ZSWIM5: variants seen among roughly 807,000 people sequenced by gnomAD.
The protein encoded by ZSWIM5 is zinc finger SWIM-type containing 5, also known as zinc finger SWIM domain-containing protein 5.
In ZSWIM5, 55 loss-of-function variants were observed where a neutral mutation model predicts 119.6. That is an observed-to-expected ratio of 0.46 (90% CI 0.37 to 0.58). ZSWIM5 has a LOEUF of 0.58. Among genes scored for constraint, ZSWIM5 ranks in the 20% least tolerant of loss-of-function variants. The pLI is 0.00. For synonymous variants in ZSWIM5, 537 were observed against 606.9 expected, an observed-to-expected ratio of 0.88 and a Z score of 1.69; for missense variants, 1,193 against 1,512.8, an observed-to-expected ratio of 0.79 and a Z score of 3.51.
chr1:45,061,289 A>T (rs910986675), intron 2 of ZSWIM5, among the ~76,000 whole-genome samples: 6 of 152,214 alleles, frequency 3.9e-5, no homozygotes, highest in Non-Finnish European at 5.9e-5. Context: ...GAGTGCTGTA[A>T]CAATTTGTTT....
intron 1 of ZSWIM5, among the ~76,000 whole-genome samples, chr1:45,186,847 C>T (rs1248718486): frequency 1.3e-5 from 2 of 152,122 alleles, no homozygotes; most frequent in South Asian, 2.1e-4. Context: ...TGCCCTAGTC[C>T]TCCCAAAGTG....
chr1:45,206,107 C>T lies in ZSWIM5; in HGVS notation c.244G>A (p.Val82Met). ...TVAEKWAYER[V>M]EERFERIPEP... ...GGGATCCGCTCGAAGCGCTCCTCCA[C>T]CCGTTCGTATGCCCACTTTTCCGCC... The change falls in exon 1 of 14, where the codon GTG becomes ATG. Residue 82 changes from valine to methionine, a missense_variant. Physicochemically the swap from Val to Met is conservative, Grantham distance 21 (BLOSUM62 1). Around this residue, in one of 2 missense-constraint regions of ZSWIM5, gnomAD observed 232 missense variants for 222.9 expected, o/e 1.04. Coordinates refer to ENST00000359600, the MANE Select transcript of ZSWIM5 (RefSeq NM_020883.2). The T allele has an allele frequency of 6.2e-7, 1 of 1,611,892 alleles. No homozygotes were observed. The highest frequency in any genetic ancestry group is 8.5e-7 in the Non-Finnish European group (1 of 1,179,462).
At chr1:45,130,099 T>C (rs1645646230) in intron 1 of ZSWIM5, among the ~76,000 whole-genome samples, 1 of 152,196 alleles carries the variant, frequency 6.6e-6, no homozygotes, top group Non-Finnish European at 1.5e-5. Flanking sequence ...GGTTTCGCCA[T>C]GTTGGCCAGG....
chr1:45,032,883 G>GT (rs1644961590), intron 11 of ZSWIM5, among the ~76,000 whole-genome samples: 1 of 150,840 alleles, frequency 6.6e-6, no homozygotes, highest in African/African-American at 2.4e-5. Context: ...TCCCATACTT[G>GT]TTTTTTTGTC....
chr1:45,189,836 G>C (rs928308405), intron 1 of ZSWIM5, among the ~76,000 whole-genome samples: 5 of 152,168 alleles, frequency 3.3e-5, no homozygotes, highest in African/African-American at 1.2e-4. Flanking sequence ...GCAACAGATG[G>C]TGTTTACAAA....
intron 1 of ZSWIM5, among the ~76,000 whole-genome samples, chr1:45,189,271 T>C (rs1646077067): frequency 6.6e-6 from 1 of 151,882 alleles, no homozygotes; most frequent in Non-Finnish European, 1.5e-5. Flanking sequence ...GCTGAGATCA[T>C]GCCACTGCAC....
intron 4 of ZSWIM5, among the ~76,000 whole-genome samples, chr1:45,058,156 T>C (rs1050459012): frequency 6.6e-6 from 1 of 152,180 alleles, no homozygotes; most frequent in Non-Finnish European, 1.5e-5. Flanking sequence ...TCTGAAGCTA[T>C]GATATTTTAA....
intron 11 of ZSWIM5, among the ~76,000 whole-genome samples, chr1:45,031,169 A>ATTTTTTTTT (rs34390567): frequency 1.1e-4 from 7 of 61,744 alleles, no homozygotes; most frequent in Non-Finnish European, 1.9e-4. Context: ...TTTTGCTCTG[A>ATTTTTTTTT]TTTTTTTTTT....
intron 2 of ZSWIM5, among the ~76,000 whole-genome samples, chr1:45,085,534 T>TC (rs1645322149): frequency 2.7e-5 from 4 of 149,506 alleles, no homozygotes; most frequent in Admixed American, 2.7e-4. Flanking sequence ...GTTTGTTTTT[T>TC]TTTTTTTTTT....
chr1:45,035,718 A>G lies in ZSWIM5; in HGVS notation c.2261T>C (p.Leu754Pro). 2 of 1,613,984 alleles carry G rather than the reference A, an allele frequency of 1.2e-6. No homozygotes were observed. Among genetic ancestry groups the G allele is most frequent in the South Asian group, 2.2e-5 (2 of 91,076 alleles). The change falls in exon 10 of 14, where the codon CTG becomes CCG. Residue 754 changes from leucine to proline, a missense_variant. This residue lies in a region of ZSWIM5 where 961 missense variants were observed against 1,290.0 expected (regional missense o/e 0.74). Coordinates refer to ENST00000359600, the MANE Select transcript of ZSWIM5 (RefSeq NM_020883.2). ...GGCACGTAAGGCTAATTTATAGGAC[A>G]GGTCTGGATCATGAGGCAGCAGAGC... ...FSALLPHDPDLSYKLALRAMR... is the reference protein window; with the variant it reads ...FSALLPHDPDPSYKLALRAMR...
intron 2 of ZSWIM5, among the ~76,000 whole-genome samples, chr1:45,063,823 A>C (rs1373870324): frequency 6.6e-6 from 1 of 152,078 alleles, no homozygotes; most frequent in Non-Finnish European, 1.5e-5. Context: ...TCTACTAAAA[A>C]TACAAAAAAT....
At chr1:45,129,400 G>A (rs1235210504) in intron 1 of ZSWIM5, among the ~76,000 whole-genome samples, 4 of 151,596 alleles carry the variant, frequency 2.6e-5, no homozygotes, top group South Asian at 4.2e-4. Flanking sequence ...CTCGTGATCC[G>A]CCCGCCTCAG....
rs1355275941 is a variant in ZSWIM5 at position 45,018,017 on chromosome 1, C to G, written c.*437G>C. On this transcript the variant is annotated 3_prime_UTR_variant, in exon 14 of 14. Coordinates refer to ENST00000359600, the MANE Select transcript of ZSWIM5 (RefSeq NM_020883.2). The surrounding 1 kb of genome is among the most constrained non-coding windows in gnomAD (Gnocchi z 6.7). ...ACCCACAGCTACTTCAAGTGCCCAT[C>G]AAATCAGAAGCAGAATTATAAATAG... The G allele has an allele frequency of 1.8e-5, 3 of 170,290 alleles. No homozygotes were observed. Among genetic ancestry groups the G allele is most frequent in the Admixed American group, 5.6e-5 (1 of 17,894 alleles). 10.5% of individuals were successfully genotyped at this position (170,290 alleles called of 1,614,324 possible).
At chr1:45,126,469 T>C (rs1174657145) in intron 1 of ZSWIM5, among the ~76,000 whole-genome samples, 4 of 152,060 alleles carry the variant, frequency 2.6e-5, no homozygotes, top group Admixed American at 2.6e-4. Flanking sequence ...AAGCACAAAC[T>C]ACCAAAACTC....
intron 1 of ZSWIM5, among the ~76,000 whole-genome samples, chr1:45,169,736 CAT>C (rs1289125485): frequency 3.3e-5 from 5 of 152,026 alleles, no homozygotes; most frequent in African/African-American, 1.2e-4. Flanking sequence ...TAATTCAACT[CAT>C]ATTATTAAAG....
At chr1:45,182,157 C>T (rs1217121783) in intron 1 of ZSWIM5, among the ~76,000 whole-genome samples, 2 of 152,186 alleles carry the variant, frequency 1.3e-5, no homozygotes, top group Admixed American at 6.5e-5. Context: ...TGGCTCACGC[C>T]TGTAATCCCA....
intron 1 of ZSWIM5, among the ~76,000 whole-genome samples, chr1:45,116,962 A>T (rs573324917): frequency 6.6e-6 from 1 of 152,352 alleles, no homozygotes; most frequent in South Asian, 2.1e-4. Flanking sequence ...GTTTACAATA[A>T]GCCAAAGGTA....
chr1:45,107,204 T>C (rs1645486299), intron 1 of ZSWIM5, among the ~76,000 whole-genome samples: 2 of 151,818 alleles, frequency 1.3e-5, no homozygotes, highest in East Asian at 1.9e-4. Context: ...CCAAGAATGA[T>C]CAATAAATAC....
At chr1:45,192,877 TTTGA>T (rs1413997507) in intron 1 of ZSWIM5, among the ~76,000 whole-genome samples, 2 of 152,220 alleles carry the variant, frequency 1.3e-5, no homozygotes, top group African/African-American at 4.8e-5. Context: ...TCATTGTGGT[TTTGA>T]TTTTCATTAC....
Sources: gnomAD v4.1 joint callset for allele counts (sites outside exome capture counted in the v4.1 genomes callset) on GRCh38, gnomAD v4.1.1 for gene constraint, gnomAD v4.1.1 regional missense constraint, Gnocchi (gnomAD v3.1) non-coding constraint, MANE v1.5 for transcripts, NCBI Gene and HGNC (gene_info 2026-07-23, HGNC 2026-07-21) for gene names.